NBAS: variants seen among roughly 807,000 people sequenced by gnomAD.
NBAS encodes the protein NBAS subunit of NRZ tethering complex, also known as NAG/BC035112 fusion.
In NBAS, 219 loss-of-function variants were observed where a neutral mutation model predicts 302.5. That is an observed-to-expected ratio of 0.72 (90% confidence interval 0.65 to 0.81). The LOEUF is 0.81. Among genes scored for constraint, NBAS ranks in the 30% least tolerant of loss-of-function variants. The pLI is 0.00. For synonymous variants in NBAS, 1,118 were observed against 1,021.6 expected (o/e 1.09, Z -1.80); for missense variants, 2,932 against 2,841.6 (o/e 1.03, Z -0.72).
the NBAS span, among the ~76,000 whole-genome samples, chr2:14,975,458 T>G: frequency 6.6e-6 from 1 of 152,226 alleles, no homozygotes; most frequent in Non-Finnish European, 1.5e-5. Flanking sequence ...CTTGGTTCAC[T>G]CAGAGCAAAT....
chr2:15,063,362 C>T, the NBAS span, among the ~76,000 whole-genome samples: 4 of 152,138 alleles, frequency 2.6e-5, no homozygotes, highest in Non-Finnish European at 4.4e-5. Flanking sequence ...CTGTAGCTCA[C>T]GGTGGTCTGA....
intron 48 of NBAS, among the ~76,000 whole-genome samples, chr2:15,209,937 C>G (rs1385349878): frequency 6.6e-6 from 1 of 152,104 alleles, no homozygotes; most frequent in Non-Finnish European, 1.5e-5. Flanking sequence ...AAGAATAAAA[C>G]TAGACCTCTA....
intron 44 of NBAS, among the ~76,000 whole-genome samples, chr2:15,253,264 G>C (rs924738219): frequency 1.1e-4 from 17 of 152,036 alleles, no homozygotes; most frequent in Non-Finnish European, 2.1e-4. Flanking sequence ...GGAAAGGAGG[G>C]GGAATCAATT....
chr2:15,230,298 C>A (rs558136825), intron 47 of NBAS, among the ~76,000 whole-genome samples: 1 of 151,576 alleles, frequency 6.6e-6, no homozygotes, highest in East Asian at 1.9e-4. Context: ...GAAGGGAAAC[C>A]CAAACAAAGG....
chr2:15,487,552 A>C (rs1680684561), intron 12 of NBAS, among the ~76,000 whole-genome samples: 1 of 152,148 alleles, frequency 6.6e-6, no homozygotes, highest in Non-Finnish European at 1.5e-5. Context: ...TGCAGTTCAA[A>C]CCCATGTTGC....
intron 13 of NBAS, among the ~76,000 whole-genome samples, chr2:15,477,218 G>A (rs1252588043): frequency 6.6e-6 from 1 of 152,078 alleles, no homozygotes; most frequent in Non-Finnish European, 1.5e-5. Flanking sequence ...GGAACCTGAT[G>A]CATAATATTA....
Position 15,353,657 on chromosome 2 carries a change from G to T in NBAS, c.3985C>A (p.Gln1329Lys), listed in dbSNP as rs1276063725. ...AGCTCTTGACGAGTGGCCAAGTCCT[G>T]GTAACCTTCTGATTGTCCTAACTGG... ...CSQLGQSEGYQDLATRQELMA... is the reference protein window; with the variant it reads ...CSQLGQSEGYKDLATRQELMA... Residue 1329 changes from glutamine (Q) to lysine (K), a missense_variant, in exon 34 of 52, where the codon CAG becomes AAG. Physicochemically the swap from Gln to Lys is moderately conservative, Grantham distance 53. Transcript: ENST00000281513. The T allele has an allele frequency of 8.7e-6, 14 of 1,613,898 alleles. No individual in the cohort carries two copies. Among genetic ancestry groups the T allele is most frequent in the Non-Finnish European group, 1.2e-5 (14 of 1,179,966 alleles).
the NBAS span, among the ~76,000 whole-genome samples, chr2:15,111,458 C>T: frequency 6.6e-6 from 1 of 152,102 alleles, no homozygotes; most frequent in South Asian, 2.1e-4. Flanking sequence ...ACTGGTGGAT[C>T]TAACAACTGT....
the NBAS span, among the ~76,000 whole-genome samples, chr2:14,806,931 A>G: frequency 3.9e-5 from 6 of 152,198 alleles, no homozygotes; most frequent in Non-Finnish European, 8.8e-5. Flanking sequence ...CTGGGGGTAC[A>G]TGTTCTACTC....
At chr2:15,057,329 T>C in the NBAS span, among the ~76,000 whole-genome samples, 1 of 81,728 alleles carries the variant, frequency 1.2e-5, no homozygotes, top group Non-Finnish European at 2.5e-5. Flanking sequence ...AAAAAAAAAC[T>C]GTTGCAGGAT....
intron 51 of NBAS, among the ~76,000 whole-genome samples, chr2:15,170,547 A>G (rs71435466): frequency 0.041 from 6,259 of 152,254 alleles, 182 homozygotes; most frequent in Middle Eastern, 0.071. Context: ...GTTGGGAGGA[A>G]TTTTGGGTTT....
the NBAS span, among the ~76,000 whole-genome samples, chr2:14,891,781 G>C: frequency 1.3e-5 from 2 of 152,164 alleles, no homozygotes; most frequent in African/African-American, 4.8e-5. Context: ...TGGAAGGCCT[G>C]GGACACTACA....
rs1680084828 is a variant in NBAS, at chr2:15,474,199, T to C, written c.1467A>G (p.Ile489Met). Residue 489 changes from isoleucine to methionine, a missense_variant, in exon 15 of 52, where the codon ATA becomes ATG. Coordinates refer to ENST00000281513, the MANE Select transcript of NBAS (RefSeq NM_015909.4). Reference protein sequence around the residue: ...ISAKARYFGYIKQGLYLVTEM... With the variant: ...ISAKARYFGYMKQGLYLVTEM... ...CAGTCACCAAGTAAAGGCCCTGTTT[T>C]ATATAACCAAAGTAGCGAGCCTTGG... 1 of 1,614,150 alleles carries C rather than the reference T, an allele frequency of 6.2e-7. No homozygotes were observed. The highest frequency in any genetic ancestry group is 8.5e-7 in the Non-Finnish European group (1 of 1,180,022).
At chr2:15,528,684 A>G (rs1663054344) in intron 9 of NBAS, among the ~76,000 whole-genome samples, 1 of 149,228 alleles carries the variant, frequency 6.7e-6, no homozygotes, top group Non-Finnish European at 1.5e-5. Flanking sequence ...CATGGCCAAC[A>G]CTGTGAAACC....
the NBAS span, among the ~76,000 whole-genome samples, chr2:15,032,395 T>C: frequency 1.3e-5 from 2 of 152,300 alleles, no homozygotes; most frequent in South Asian, 4.1e-4. Flanking sequence ...GAAATTCTTG[T>C]TGTAACATGG....
rs200060077 is a variant in NBAS at position 15,411,357 on chromosome 2, CT to C, written c.2937+4188del. 6.7e-3 allele frequency among the ~76,000 whole-genome samples: 1,022 copies of C among 152,268 alleles called. 11 individuals carry two copies. Among genetic ancestry groups the C allele is most frequent in the African/African-American group, 0.022 (921 of 41,544 alleles). On this transcript the variant is annotated intron_variant, in intron 25 of 51. Coordinates refer to ENST00000281513, the MANE Select transcript of NBAS (RefSeq NM_015909.4). ...ATGAGTATTTCTCTAACTTCTACCC[CT>C]CTCTTCACTTTTGCCTGGTAGAAAT...
intron 35 of NBAS, among the ~76,000 whole-genome samples, chr2:15,347,761 C>T (rs1673163176): frequency 6.6e-6 from 1 of 152,090 alleles, no homozygotes. Flanking sequence ...AATACTGTTC[C>T]ATCTAAAAAG....
At chr2:15,003,048 C>T in the NBAS span, among the ~76,000 whole-genome samples, 30 of 152,374 alleles carry the variant, frequency 2.0e-4, no homozygotes, top group East Asian at 5.0e-3. Flanking sequence ...GCAGAGAAGG[C>T]GCCGAGAGCG....
At chr2:15,557,415 T>C (rs922925831) in intron 2 of NBAS, among the ~76,000 whole-genome samples, 2 of 152,316 alleles carry the variant, frequency 1.3e-5, no homozygotes, top group East Asian at 3.9e-4. Flanking sequence ...TTTTTTCTAA[T>C]TTGTAGTTAT....
Sources: allele counts gnomAD v4.1 joint callset (sites outside exome capture counted in the v4.1 genomes callset), GRCh38; gene constraint gnomAD v4.1.1; transcripts MANE v1.5; gene names NCBI Gene and HGNC (gene_info 2026-07-23, HGNC 2026-07-21).